Variants in MYO16 observed in about 807,000 individuals in gnomAD.
MYO16 encodes the protein unconventional myosin-XVI.
MYO16 carries 94 observed loss-of-function variants against 205.3 expected under a neutral mutation model. That is an observed-to-expected ratio of 0.46 (90% CI 0.39 to 0.54). The LOEUF (loss-of-function observed/expected upper bound fraction) is 0.54, where lower values mean the gene tolerates loss of function less well. MYO16 is among the 20% of genes least tolerant of loss of function. The probability of loss-of-function intolerance (pLI) is 0.00; values close to 1 mark genes in which losing one functional copy is unlikely to be tolerated. For synonymous variants in MYO16, 988 were observed against 954.0 expected (o/e 1.04, Z -0.66); for missense variants, 2,315 against 2,387.5 (o/e 0.97, Z 0.63).
At chr13:109,018,049 T>C (rs545424550) in intron 22 of MYO16, among the ~76,000 whole-genome samples, 105 of 152,326 alleles carry the variant, frequency 6.9e-4, no homozygotes, top group Non-Finnish European at 8.7e-4. Flanking sequence ...AGGGGTGCTC[T>C]GGTTTTTAGA....
At chr13:109,033,278 C>A (rs1273557264) in intron 23 of MYO16, among the ~76,000 whole-genome samples, 1 of 152,186 alleles carries the variant, frequency 6.6e-6, no homozygotes, top group Non-Finnish European at 1.5e-5. Flanking sequence ...ACCCATTAGG[C>A]TCTGTGCACA....
chr13:109,057,663 A>G (rs1887457040), intron 27 of MYO16, among the ~76,000 whole-genome samples: 1 of 152,100 alleles, frequency 6.6e-6, no homozygotes, highest in South Asian at 2.1e-4. Context: ...TACATTTTAT[A>G]GTGTGTGTAT....
At chr13:108,975,537 G>T (rs1285939272) in intron 20 of MYO16, among the ~76,000 whole-genome samples, 1 of 152,070 alleles carries the variant, frequency 6.6e-6, no homozygotes, top group Non-Finnish European at 1.5e-5. Context: ...TTCAAGGGAC[G>T]CAGCCATCAG....
intron 16 of MYO16, among the ~76,000 whole-genome samples, chr13:108,940,823 T>A (rs1882693569): frequency 6.6e-6 from 1 of 152,226 alleles, no homozygotes; most frequent in Admixed American, 6.5e-5. Flanking sequence ...TATACTATAC[T>A]GCAAATACAA....
At chr13:108,664,797 T>C (rs1210706201) in intron 1 of MYO16, among the ~76,000 whole-genome samples, 1 of 152,230 alleles carries the variant, frequency 6.6e-6, no homozygotes, top group East Asian at 1.9e-4. Flanking sequence ...TATAAGTGTT[T>C]ATACAATTCC....
chr13:108,676,933 C>T (rs1882239047), intron 2 of MYO16, among the ~76,000 whole-genome samples: 1 of 152,272 alleles, frequency 6.6e-6, no homozygotes, highest in Admixed American at 6.5e-5. Context: ...TCAGGTGAAA[C>T]ACACGAAGCC....
chr13:109,171,999 G>T (rs1176686995), intron 33 of MYO16, among the ~76,000 whole-genome samples: 11 of 152,120 alleles, frequency 7.2e-5, no homozygotes, highest in Admixed American at 7.2e-4. Flanking sequence ...GCAGGACCAG[G>T]AAATCTGCAT....
At chr13:108,825,189 C>T (rs1876185950) in intron 9 of MYO16, among the ~76,000 whole-genome samples, 1 of 152,014 alleles carries the variant, frequency 6.6e-6, no homozygotes, top group South Asian at 2.1e-4. Context: ...ATAAAAAGGA[C>T]TTCACAATAT....
the MYO16 span, among the ~76,000 whole-genome samples, chr13:108,586,580 G>T: frequency 6.6e-6 from 1 of 152,160 alleles, no homozygotes; most frequent in African/African-American, 2.4e-5. Context: ...ATGCAAAGTG[G>T]TCACTCTTAA....
At chr13:108,894,570 G>A (rs1880323873) in intron 14 of MYO16, among the ~76,000 whole-genome samples, 1 of 152,182 alleles carries the variant, frequency 6.6e-6, no homozygotes, top group South Asian at 2.1e-4. Flanking sequence ...TAGTAAGTGA[G>A]AGAGTGCAGC....
intron 27 of MYO16, among the ~76,000 whole-genome samples, chr13:109,086,395 T>A (rs1888435945): frequency 1.3e-5 from 2 of 152,320 alleles, no homozygotes; most frequent in Admixed American, 1.3e-4. Context: ...AAAGCTTAGA[T>A]AGGATCCAGC....
rs142070876 is a variant in MYO16 at position 109,014,148 on chromosome 13, G to C, written c.2595+5099G>C. On this transcript the variant is annotated intron_variant, in intron 22 of 34. Transcript: ENST00000457511. Reference sequence around the variant, plus strand: ...CATCTTGAATTAAATTTTGTATAAGGTGTAAGGAAGGGATCCAGTTTCAGC... The same window carrying C: ...CATCTTGAATTAAATTTTGTATAAGCTGTAAGGAAGGGATCCAGTTTCAGC... Among the ~76,000 whole-genome samples the C allele has an allele frequency of 4.5e-3, 680 of 152,250 alleles. 4 individuals carry two copies. The highest frequency in any genetic ancestry group is 0.016 in the African/African-American group (650 of 41,536).
chr13:108,792,512 C>CTTTTTTTT (rs35311611), intron 5 of MYO16, among the ~76,000 whole-genome samples: 1 of 129,324 alleles, frequency 7.7e-6, no homozygotes. Flanking sequence ...ATACTAATGT[C>CTTTTTTTT]TTTTTTTTTT....
Position 109,047,009 on chromosome 13 carries a change from C to G in MYO16, c.2872+18C>G. Reference sequence around the variant, plus strand: ...AATGAAAAGTAAGTTGATTTTTTTTCCTGCCCTACACTGGTTAAAATGCCA... The same window carrying G: ...AATGAAAAGTAAGTTGATTTTTTTTGCTGCCCTACACTGGTTAAAATGCCA... On this transcript the variant is annotated intron_variant, in intron 24 of 34. Coordinates refer to ENST00000457511, the MANE Select transcript of MYO16 (RefSeq NM_001198950.3). 1 of 1,552,008 alleles carries G rather than the reference C, an allele frequency of 6.4e-7. No homozygotes were observed. The highest frequency in any genetic ancestry group is 8.9e-7 in the Non-Finnish European group (1 of 1,124,492).
At chr13:109,093,394 G>A (rs1328761037) in intron 27 of MYO16, among the ~76,000 whole-genome samples, 1 of 152,150 alleles carries the variant, frequency 6.6e-6, no homozygotes, top group Non-Finnish European at 1.5e-5. Flanking sequence ...AGAGGTGTAT[G>A]GCAGTAAAGA....
chr13:108,546,715 C>A, the MYO16 span, among the ~76,000 whole-genome samples: 1 of 152,166 alleles, frequency 6.6e-6, no homozygotes, highest in African/African-American at 2.4e-5. Flanking sequence ...CTCTTCCCAT[C>A]ACAGCATGGA....
intron 4 of MYO16, among the ~76,000 whole-genome samples, chr13:108,771,454 GT>G (rs1443907420): frequency 6.6e-6 from 1 of 152,022 alleles, no homozygotes; most frequent in Non-Finnish European, 1.5e-5. Flanking sequence ...CCCCACCAGA[GT>G]AGTTCATTTG....
Position 109,049,602 on chromosome 13 carries a change from C to T in MYO16, c.2872+2611C>T, listed in dbSNP as rs76318844. On this transcript the variant is annotated intron_variant, in intron 24 of 34. Coordinates refer to ENST00000457511, the MANE Select transcript of MYO16 (RefSeq NM_001198950.3). ...TTTTTAAATTTTTTTTTGTACTACC[C>T]ACCTTCTCAGTAATGTTTTCAGTTT... Among the ~76,000 whole-genome samples the T allele has an allele frequency of 5.5e-4, 84 of 151,838 alleles. 1 individual carries two copies. The East Asian group carries it at 0.013, about 24-fold the overall frequency.
chr13:108,627,925 T>C (rs1879808365), upstream of MYO16, among the ~76,000 whole-genome samples: 2 of 152,166 alleles, frequency 1.3e-5, no homozygotes. Flanking sequence ...GGCATTGTAT[T>C]AAGAGAAGGG....
Sources: gnomAD v4.1 joint callset for allele counts (sites outside exome capture counted in the v4.1 genomes callset) on GRCh38, gnomAD v4.1.1 for gene constraint, MANE v1.5 for transcripts, NCBI Gene and HGNC (gene_info 2026-07-23, HGNC 2026-07-21) for gene names.